The following ADAMTS12 variants were observed in gnomAD, a reference collection of about 807,000 sequenced individuals.
The protein encoded by ADAMTS12 is ADAM metallopeptidase with thrombospondin type 1 motif 12, also known as A disintegrin and metalloproteinase with thrombospondin motifs 12.
Under a neutral mutation model 167.8 loss-of-function variants are expected in ADAMTS12, and 118 were observed. That is an observed-to-expected ratio of 0.70 (90% confidence interval 0.61 to 0.82). ADAMTS12 has a LOEUF of 0.82. Among genes scored for constraint, ADAMTS12 ranks in the 40% least tolerant of loss-of-function variants. The pLI, the probability that ADAMTS12 is intolerant of heterozygous loss-of-function variation, is 0.00. For missense variants in ADAMTS12, 1,916 were observed against 1,998.8 expected, an observed-to-expected ratio of 0.96 and a Z score of 0.79; for synonymous variants, 704 against 716.9, an observed-to-expected ratio of 0.98 and a Z score of 0.29.
intron 2 of ADAMTS12, among the ~76,000 whole-genome samples, chr5:33,853,457 A>G (rs370523944): frequency 6.6e-5 from 10 of 152,346 alleles, no homozygotes; most frequent in African/African-American, 2.4e-4. Flanking sequence ...CATGCCAAAG[A>G]CACAGATTTG....
At position 33,633,696 on chromosome 5, in the gene ADAMTS12, A is replaced by C. The variant is rs573538694; in HGVS notation, c.1889-2783T>G. 1.3e-4 allele frequency among the ~76,000 whole-genome samples: 20 copies of C among 152,182 alleles called. No individual in the cohort carries two copies. In the East Asian group the frequency reaches 1.5e-3, roughly 12 times the overall value. On this transcript the variant is annotated intron_variant, in intron 12 of 23. Coordinates refer to ENST00000504830, the MANE Select transcript of ADAMTS12 (RefSeq NM_030955.4). ...TTATATCATTAAGTTGTCCTGTGGC[A>C]CAGGGATCTGCAGGAGGAGGCAAGG...
Position 33,561,087 on chromosome 5 carries a change from G to A in ADAMTS12, c.4065C>T (p.Asp1355=), listed in dbSNP as rs772130306. 1.2e-5 allele frequency: 19 copies of A among 1,614,128 alleles called. No individual in the cohort carries two copies. Among genetic ancestry groups the A allele is most frequent in the Non-Finnish European group, 1.6e-5 (19 of 1,180,006 alleles). Residue 1355 remains aspartate (D), a synonymous_variant, in exon 20 of 24, where the codon GAC becomes GAT. Transcript: ENST00000504830. ...GACGGAGGTGGCATCTTTTTGCAGG[G>A]TCAGGTCTCTGGATGGCCGCACAGT... ...DSDCAAIQRP[D]PAKRCHLRPC...
At chr5:33,842,167 G>A (rs1748769283) in intron 2 of ADAMTS12, among the ~76,000 whole-genome samples, 1 of 152,168 alleles carries the variant, frequency 6.6e-6, no homozygotes, top group South Asian at 2.1e-4. Context: ...CATCTAAGTA[G>A]ACAGGCCCAG....
rs1742512069 is a variant in ADAMTS12, at chr5:33,690,507, C to T, written c.635-6452G>A. 4.0e-5 allele frequency among the ~76,000 whole-genome samples: 6 copies of T among 151,728 alleles called. No homozygotes were observed. The South Asian group carries it at 1.0e-3, about 26-fold the overall frequency. ...GATGTATTCTCAAAGGCTGGATGGT[C>T]CTGCCTGACACTGCACTCACTTCAT... On this transcript the variant is annotated intron_variant, in intron 3 of 23. Coordinates refer to ENST00000504830, the MANE Select transcript of ADAMTS12 (RefSeq NM_030955.4).
chr5:33,864,598 T>C (rs932318941), intron 2 of ADAMTS12, among the ~76,000 whole-genome samples: 10 of 152,066 alleles, frequency 6.6e-5, no homozygotes, highest in Non-Finnish European at 1.5e-4. Context: ...CAAATGCCCA[T>C]CAATGATAGA....
chr5:33,675,969 G>A (rs1014480284), intron 5 of ADAMTS12, among the ~76,000 whole-genome samples: 1 of 152,068 alleles, frequency 6.6e-6, no homozygotes, highest in African/African-American at 2.4e-5. Context: ...AAAGCATCCT[G>A]GAAACTATTT....
At chr5:33,596,507 C>T (rs570684697) in intron 16 of ADAMTS12, among the ~76,000 whole-genome samples, 23 of 152,084 alleles carry the variant, frequency 1.5e-4, no homozygotes, top group Admixed American at 3.9e-4. Context: ...AATGGTGAAA[C>T]CCCATCTCTA....
chr5:33,712,050 T>G (rs1743421107), intron 3 of ADAMTS12, among the ~76,000 whole-genome samples: 2 of 152,170 alleles, frequency 1.3e-5, no homozygotes, highest in Admixed American at 1.3e-4. Flanking sequence ...TTGTATAACT[T>G]ACTTGGCTTT....
rs533461964 is a variant in ADAMTS12 at position 33,862,945 on chromosome 5, A to T, written c.489+18174T>A. On this transcript the variant is annotated intron_variant, in intron 2 of 23. Transcript: ENST00000504830. ...AAACAGAACCAACGACAAAAACCAC[A>T]TGATTATCTCAATAGATACAGAAAA... 2.6e-5 allele frequency among the ~76,000 whole-genome samples: 4 copies of T among 152,332 alleles called. No homozygotes were observed. In the East Asian group the frequency reaches 5.8e-4, roughly 22 times the overall value.
chr5:33,813,998 T>C (rs1747556666), intron 2 of ADAMTS12, among the ~76,000 whole-genome samples: 1 of 152,244 alleles, frequency 6.6e-6, no homozygotes, highest in Non-Finnish European at 1.5e-5. Context: ...TTCAGGAAAT[T>C]GGGGCATATA....
intron 5 of ADAMTS12, among the ~76,000 whole-genome samples, chr5:33,668,820 T>A (rs1374559682): frequency 6.6e-6 from 1 of 152,192 alleles, no homozygotes; most frequent in Non-Finnish European, 1.5e-5. Context: ...GCTGATTTTT[T>A]CCTCCCTCTT....
chr5:33,836,963 G>T (rs1309881005), intron 2 of ADAMTS12, among the ~76,000 whole-genome samples: 1 of 151,986 alleles, frequency 6.6e-6, no homozygotes, highest in Non-Finnish European at 1.5e-5. Context: ...TGCCCAGGCT[G>T]GTCCTGAACT....
intron 14 of ADAMTS12, among the ~76,000 whole-genome samples, chr5:33,617,713 C>T (rs1399481705): frequency 6.6e-6 from 1 of 152,054 alleles, no homozygotes; most frequent in Admixed American, 6.6e-5. Context: ...CATATCAGAG[C>T]TCATGCAGGT....
At chr5:33,683,393 A>G (rs1452097965) in intron 4 of ADAMTS12, among the ~76,000 whole-genome samples, 3 of 152,188 alleles carry the variant, frequency 2.0e-5, no homozygotes, top group Non-Finnish European at 4.4e-5. Flanking sequence ...TCAGGCAAAT[A>G]CCTTTTCCCA....
chr5:33,635,529 C>T (rs6862356), intron 12 of ADAMTS12, among the ~76,000 whole-genome samples: 80,567 of 151,974 alleles, frequency 0.53, 22,747 homozygotes, highest in Non-Finnish European at 0.62. Context: ...AAAAACAGCT[C>T]TCCTTGAAGG....
chr5:33,527,823 A>G (rs1743896643), intron 23 of ADAMTS12, among the ~76,000 whole-genome samples: 6 of 152,238 alleles, frequency 3.9e-5, no homozygotes. Context: ...TAAGAGACAC[A>G]TGGGGCAGAC....
chr5:33,822,973 C>T (rs1279166675), intron 2 of ADAMTS12, among the ~76,000 whole-genome samples: 1 of 151,796 alleles, frequency 6.6e-6, no homozygotes, highest in Non-Finnish European at 1.5e-5. Context: ...ACACCATAGT[C>T]CCAGCTACTT....
intron 2 of ADAMTS12, among the ~76,000 whole-genome samples, chr5:33,768,588 C>T (rs1278609763): frequency 6.6e-6 from 1 of 151,902 alleles, no homozygotes; most frequent in African/African-American, 2.4e-5. Context: ...TATATTCATC[C>T]TGTTTTATAG....
intron 2 of ADAMTS12, among the ~76,000 whole-genome samples, chr5:33,845,590 G>A (rs1157775752): frequency 6.6e-6 from 1 of 152,150 alleles, no homozygotes; most frequent in Non-Finnish European, 1.5e-5. Flanking sequence ...TGTCTGATGA[G>A]GAACAGAGTG....
Sources: gnomAD v4.1 joint callset for allele counts (sites outside exome capture counted in the v4.1 genomes callset) on GRCh38, gnomAD v4.1.1 for gene constraint, MANE v1.5 for transcripts, NCBI Gene and HGNC (gene_info 2026-07-23, HGNC 2026-07-21) for gene names.